The following CHP1 variants were observed in gnomAD, a reference collection of about 807,000 sequenced individuals.
CHP1 encodes the protein calcineurin B homologous protein 1.
In CHP1, 11 loss-of-function variants were observed where a neutral mutation model predicts 27.4. The ratio of observed to expected loss-of-function variants is 0.40; its 90% confidence interval spans 0.25 to 0.67. The LOEUF (loss-of-function observed/expected upper bound fraction) is 0.67, where lower values mean the gene tolerates loss of function less well. CHP1 is among the 30% of genes least tolerant of loss of function. The pLI is 0.38. For missense variants in CHP1, 169 were observed against 251.3 expected (o/e 0.67, Z 2.22); for synonymous variants, 89 against 87.4 (o/e 1.02, Z -0.10).
chr15:41,274,419 G>C (rs768051000), intron 5 of CHP1, among the ~76,000 whole-genome samples: 15 of 152,152 alleles, frequency 9.9e-5, no homozygotes, highest in Non-Finnish European at 1.0e-4. Flanking sequence ...GATCGGATGA[G>C]ATAACCTTTT....
intron 5 of CHP1, among the ~76,000 whole-genome samples, chr15:41,278,485 TTC>T (rs59134965): frequency 0.083 from 12,652 of 152,178 alleles, 659 homozygotes; most frequent in East Asian, 0.17. Context: ...TAGTTATTTT[TTC>T]TGTTTCTCTC....
intron 4 of CHP1, among the ~76,000 whole-genome samples, chr15:41,269,434 T>G (rs1188834851): frequency 1.3e-5 from 2 of 152,210 alleles, no homozygotes; most frequent in Non-Finnish European, 2.9e-5. Flanking sequence ...CATGTTCTTA[T>G]GCCTTTGTGC....
At chr15:41,245,471 A>G (rs543576289) in intron 2 of CHP1, among the ~76,000 whole-genome samples, 1 of 152,280 alleles carries the variant, frequency 6.6e-6, no homozygotes, top group Non-Finnish European at 1.5e-5. Flanking sequence ...ACAGAGAGAG[A>G]CTTTGTCTCA....
intron 4 of CHP1, among the ~76,000 whole-genome samples, chr15:41,265,284 A>C (rs2047454317): frequency 7.1e-6 from 1 of 140,212 alleles, no homozygotes; most frequent in Non-Finnish European, 1.5e-5. Flanking sequence ...GAATTGCTTG[A>C]ACCTGGGAGG....
intron 2 of CHP1, among the ~76,000 whole-genome samples, chr15:41,246,342 G>A (rs909844861): frequency 9.3e-5 from 14 of 150,024 alleles, no homozygotes; most frequent in Admixed American, 3.3e-4. Context: ...TTTTTAAGAT[G>A]GAGTTTCACT....
At position 41,279,413 on chromosome 15, in the gene CHP1, G is replaced by C. The variant is rs761237886; in HGVS notation, c.*24G>C. The C allele has an allele frequency of 4.4e-6, 7 of 1,605,004 alleles. No homozygotes were observed. In the East Asian group the frequency reaches 1.6e-4, roughly 36 times the overall value. On this transcript the variant is annotated 3_prime_UTR_variant, in exon 7 of 7. Coordinates refer to ENST00000334660, the MANE Select transcript of CHP1 (RefSeq NM_007236.5). ...AAAGGAGACCAAACTGTTCCTTGCGGTCTAGTATTTAAGAACTGGAACTTG... is the reference window on the plus strand; with the variant it reads ...AAAGGAGACCAAACTGTTCCTTGCGCTCTAGTATTTAAGAACTGGAACTTG...
chr15:41,241,975 T>G (rs1479021677), intron 1 of CHP1, among the ~76,000 whole-genome samples: 1 of 152,206 alleles, frequency 6.6e-6, no homozygotes, highest in African/African-American at 2.4e-5. Flanking sequence ...TCCCCTCTCT[T>G]ACTTCCAATC....
intron 4 of CHP1, among the ~76,000 whole-genome samples, chr15:41,267,963 G>T (rs1240276736): frequency 6.6e-6 from 1 of 150,676 alleles, no homozygotes; most frequent in Non-Finnish European, 1.5e-5. Flanking sequence ...AAAAAGGAAG[G>T]TAAAGGTTTG....
chr15:41,256,606 A>G (rs991946958), intron 2 of CHP1: 4 of 339,880 alleles, frequency 1.2e-5, no homozygotes, highest in African/African-American at 8.7e-5. Context: ...CTAATGTTCA[A>G]GAAATCATTT....
At chr15:41,236,322 C>T (rs1477174698) in intron 1 of CHP1, among the ~76,000 whole-genome samples, 1 of 152,170 alleles carries the variant, frequency 6.6e-6, no homozygotes, top group Admixed American at 6.5e-5. Flanking sequence ...AGTGCAATGG[C>T]ATGATCACGG....
At chr15:41,237,162 T>C (rs1206648002) in intron 1 of CHP1, among the ~76,000 whole-genome samples, 1 of 146,596 alleles carries the variant, frequency 6.8e-6, no homozygotes, top group South Asian at 2.2e-4. Flanking sequence ...TTTTTTTTAA[T>C]TGAGATGGAG....
At chr15:41,258,033 A>G (rs2047411078) in intron 3 of CHP1, among the ~76,000 whole-genome samples, 1 of 152,134 alleles carries the variant, frequency 6.6e-6, no homozygotes, top group Non-Finnish European at 1.5e-5. Context: ...TCTTGCAGAC[A>G]CTTTTTCCCT....
At chr15:41,259,631 T>C (rs555765370) in intron 3 of CHP1, among the ~76,000 whole-genome samples, 2 of 152,304 alleles carry the variant, frequency 1.3e-5, no homozygotes, top group South Asian at 4.1e-4. Context: ...AATGTGTTTT[T>C]TCTAGCATAT....
At chr15:41,235,244 C>A (rs1429492769) in intron 1 of CHP1, among the ~76,000 whole-genome samples, 2 of 150,538 alleles carry the variant, frequency 1.3e-5, no homozygotes, top group Admixed American at 1.3e-4. Flanking sequence ...TGAGGCCAGG[C>A]GCAGTGGCTC....
rs1366985647 is a variant in CHP1, at chr15:41,238,657, G to A, written c.68-5010G>A. 7.3e-5 allele frequency among the ~76,000 whole-genome samples: 11 copies of A among 150,950 alleles called. No individual in the cohort carries two copies. The Middle Eastern group carries it at 0.01, about 141-fold the overall frequency. ...AGATCGAGATCATCCTGGCTAACAC[G>A]GTGAAACCTGGTCTCTACTAAAAAT... is the stretch of plus-strand genomic sequence containing the variant. On this transcript the variant is annotated intron_variant, in intron 1 of 6. Coordinates refer to ENST00000334660, the MANE Select transcript of CHP1 (RefSeq NM_007236.5).
chr15:41,240,325 T>C (rs756963767), intron 1 of CHP1, among the ~76,000 whole-genome samples: 4 of 152,082 alleles, frequency 2.6e-5, no homozygotes, highest in Non-Finnish European at 4.4e-5. Context: ...TCGGATTAGA[T>C]AACATTTCTA....
Position 41,231,283 on chromosome 15 carries a change from C to G in CHP1, c.-100C>G. On this transcript the variant is annotated 5_prime_UTR_variant, in exon 1 of 7. Transcript: ENST00000334660. The stretch of plus-strand genomic sequence containing the variant: ...CCGGGTCCGCAGTGGAAACACTGCC[C>G]TCTCCCTTCTTGACCCCTAGCCCTT... The G allele has an allele frequency of 8.3e-7, 1 of 1,203,366 alleles. No individual in the cohort carries two copies. Among genetic ancestry groups the G allele is most frequent in the Non-Finnish European group, 1.2e-6 (1 of 834,768 alleles). 74.5% of individuals were successfully genotyped at this position (1,203,366 alleles called of 1,614,324 possible). A position where few individuals can be genotyped will look rare whatever the true frequency, so the allele number is the denominator to read the frequency against.
chr15:41,270,496 T>C, intron 4 of CHP1, 61 bp from the exon 5 acceptor site: 2 of 1,258,934 alleles, frequency 1.6e-6, no homozygotes, highest in Admixed American at 3.4e-5. Flanking sequence ...ATATATTTAG[T>C]TCCTTGAGAA....
At chr15:41,231,487 A>G in intron 1 of CHP1, 38 bp downstream of exon 1, 1 of 1,573,432 alleles carries the variant, frequency 6.4e-7, no homozygotes, top group Non-Finnish European at 8.6e-7. Context: ...CGGGCGCCTC[A>G]GGCTGGCCTC....
Sources: allele counts gnomAD v4.1 joint callset (sites outside exome capture counted in the v4.1 genomes callset), GRCh38; gene constraint gnomAD v4.1.1; transcripts MANE v1.5; gene names NCBI Gene and HGNC (gene_info 2026-07-23, HGNC 2026-07-21).